The following VOPP1 variants were observed in gnomAD, a reference collection of about 807,000 sequenced individuals.
VOPP1 encodes WW domain binding protein VOPP1.
VOPP1 carries 8 observed loss-of-function variants against 23.5 expected under a neutral mutation model. That is an observed-to-expected ratio of 0.34 (90% CI 0.20 to 0.61). VOPP1 has a LOEUF of 0.61. Among genes scored for constraint, VOPP1 ranks in the 20% least tolerant of loss-of-function variants. The pLI is 0.78. For synonymous variants in VOPP1, 83 were observed against 97.3 expected, an observed-to-expected ratio of 0.85 and a Z score of 0.86; for missense variants, 174 against 238.1, an observed-to-expected ratio of 0.73 and a Z score of 1.77.
intron 4 of VOPP1, among the ~76,000 whole-genome samples, chr7:55,484,957 C>T (rs1793023432): frequency 6.6e-6 from 1 of 152,236 alleles, no homozygotes; most frequent in Non-Finnish European, 1.5e-5. Flanking sequence ...AAGCCCACGT[C>T]AGCCCACAGC....
At chr7:55,479,929 A>G (rs1294003138) in intron 4 of VOPP1, among the ~76,000 whole-genome samples, 2 of 152,258 alleles carry the variant, frequency 1.3e-5, no homozygotes, top group South Asian at 2.1e-4. Context: ...CAGCCTCTTC[A>G]GCACCTACTG....
chr7:55,498,439 G>C (rs62457898), intron 2 of VOPP1, among the ~76,000 whole-genome samples: 1 of 3,914 alleles, frequency 2.6e-4, no homozygotes, highest in Non-Finnish European at 6.6e-4. Flanking sequence ...AGCATGGGCA[G>C]GTGAGGCACT....
intron 4 of VOPP1, among the ~76,000 whole-genome samples, chr7:55,462,475 A>AT (rs1791525150): frequency 6.6e-6 from 1 of 152,066 alleles, no homozygotes; most frequent in Admixed American, 6.5e-5. Flanking sequence ...TTTTTCTTCT[A>AT]TAACACCCAA....
At chr7:55,513,744 C>A (rs1383773153) in intron 2 of VOPP1, among the ~76,000 whole-genome samples, 1 of 152,166 alleles carries the variant, frequency 6.6e-6, no homozygotes, top group East Asian at 1.9e-4. Flanking sequence ...AAGTAAAGAA[C>A]CACCTTTGGG....
intron 1 of VOPP1, among the ~76,000 whole-genome samples, chr7:55,538,078 C>A (rs188573216): frequency 1.3e-5 from 2 of 152,352 alleles, no homozygotes; most frequent in Non-Finnish European, 2.9e-5. Flanking sequence ...GCCTCTCCCA[C>A]TTTAGGGCTT....
chr7:55,517,257 G>GT (rs1554408696), intron 2 of VOPP1, among the ~76,000 whole-genome samples: 3 of 150,600 alleles, frequency 2.0e-5, no homozygotes, highest in East Asian at 1.9e-4. Flanking sequence ...CCTAATTTAA[G>GT]TTTTTTTTTA....
intron 2 of VOPP1, among the ~76,000 whole-genome samples, chr7:55,519,989 G>C (rs1183577739): frequency 6.6e-6 from 1 of 152,140 alleles, no homozygotes; most frequent in African/African-American, 2.4e-5. Flanking sequence ...TTAGCTGGGC[G>C]TGGTGGCACA....
intron 2 of VOPP1, among the ~76,000 whole-genome samples, chr7:55,498,358 A>C (rs569003816): frequency 6.6e-6 from 1 of 152,208 alleles, no homozygotes; most frequent in South Asian, 2.1e-4. Context: ...AACGTGTCTG[A>C]GGTTTCCGGG....
intron 1 of VOPP1, among the ~76,000 whole-genome samples, chr7:55,551,828 T>G (rs1424237595): frequency 2.0e-5 from 3 of 152,024 alleles, no homozygotes; most frequent in Non-Finnish European, 4.4e-5. Context: ...TCACTTGAGA[T>G]CAGCAGTTTG....
intron 1 of VOPP1, among the ~76,000 whole-genome samples, chr7:55,548,562 C>T (rs529810530): frequency 2.6e-4 from 39 of 152,352 alleles, no homozygotes; most frequent in African/African-American, 9.4e-4. Flanking sequence ...TCAGATGAGT[C>T]CCACACTCCC....
intron 1 of VOPP1, among the ~76,000 whole-genome samples, chr7:55,522,815 T>G (rs1795952607): frequency 6.6e-6 from 1 of 152,234 alleles, no homozygotes; most frequent in African/African-American, 2.4e-5. Context: ...GGCTCTGGCC[T>G]CCATAGCGCC....
intron 4 of VOPP1, among the ~76,000 whole-genome samples, chr7:55,448,212 C>T (rs2129000918): frequency 6.6e-6 from 1 of 152,192 alleles, no homozygotes; most frequent in Middle Eastern, 3.4e-3. Flanking sequence ...AACATAGTGA[C>T]AAGCATGCTC....
intron 4 of VOPP1, among the ~76,000 whole-genome samples, chr7:55,483,101 A>C (rs1312302962): frequency 6.6e-6 from 1 of 152,176 alleles, no homozygotes; most frequent in Non-Finnish European, 1.5e-5. Context: ...GCTATTCTTA[A>C]TGCTGAACTT....
At chr7:55,559,395 C>T (rs560441570) in intron 1 of VOPP1, among the ~76,000 whole-genome samples, 5 of 152,162 alleles carry the variant, frequency 3.3e-5, no homozygotes, top group East Asian at 1.9e-4. Flanking sequence ...TGAGAGCAGC[C>T]GCTGACCGTG....
rs774361893 is a variant in VOPP1, at chr7:55,537,565, G to A, written c.55-16435C>T. On this transcript the variant is annotated intron_variant, in intron 1 of 4. Transcript: ENST00000285279. ...AAGGATGCAGGCAGCGCACCTCCTC[G>A]CCAGCCAGTCGCCCACGGTCCTGTC... 34 of 1,535,932 alleles carry A rather than the reference G, an allele frequency of 2.2e-5. No individual in the cohort carries two copies. The South Asian group carries it at 2.4e-4, about 11-fold the overall frequency.
In VOPP1 at chr7:55,492,306, T is replaced by C. The variant is rs778842570; in HGVS notation, c.304A>G (p.Arg102Gly). The C allele has an allele frequency of 4.2e-5, 67 of 1,610,254 alleles. No homozygotes were observed. Among genetic ancestry groups the C allele is most frequent in the African/African-American group, 5.3e-5 (4 of 74,874 alleles). Reference protein sequence around the residue: ...EEPAFNVSYTRQPPNPGPGAQ... With the variant: ...EEPAFNVSYTGQPPNPGPGAQ... ...CCTGGGCCGGGATTTGGGGGCTGCC[T>C]GGTGTAGGACACATTGAAGGCTGGC... is the stretch of plus-strand genomic sequence containing the variant. The change falls in exon 4 of 5, where the codon AGG becomes GGG. Residue 102 changes from arginine to glycine, a missense_variant. Coordinates refer to ENST00000285279, the MANE Select transcript of VOPP1 (RefSeq NM_030796.5).
At chr7:55,521,167 A>C in intron 1 of VOPP1, 37 bp from the exon 2 acceptor site, 1 of 1,546,138 alleles carries the variant, frequency 6.5e-7, no homozygotes, top group Non-Finnish European at 8.8e-7. Context: ...GTCAGTACTC[A>C]GGAATCTGCA....
chr7:55,449,559 C>T lies in VOPP1; in HGVS notation n.418-13385G>A, dbSNP rs113812544. Among the ~76,000 whole-genome samples, 208 of 152,350 alleles carry T rather than the reference C, an allele frequency of 1.4e-3. 1 individual carries two copies. Among genetic ancestry groups the T allele is most frequent in the African/African-American group, 4.9e-3 (203 of 41,582 alleles). Reference sequence around the variant, plus strand: ...GCAGGACAGATGGGGAGACGACGCCCCAGCCTTCCCTCCCCAGGCGCAGGG... The same window carrying T: ...GCAGGACAGATGGGGAGACGACGCCTCAGCCTTCCCTCCCCAGGCGCAGGG... On this transcript the variant is annotated intron_variant and non_coding_transcript_variant, in intron 4 of 4. Coordinates refer to the VOPP1 transcript ENST00000462326.
chr7:55,496,480 A>G (rs1793960411), intron 3 of VOPP1, among the ~76,000 whole-genome samples: 1 of 152,218 alleles, frequency 6.6e-6, no homozygotes, highest in African/African-American at 2.4e-5. Context: ...GCACCTCTGC[A>G]GTGTGGGGAC....
Sources: allele counts gnomAD v4.1 joint callset (sites outside exome capture counted in the v4.1 genomes callset), GRCh38; gene constraint gnomAD v4.1.1; transcripts MANE v1.5; gene names NCBI Gene and HGNC (gene_info 2026-07-23, HGNC 2026-07-21).